PDE8B: variants seen among roughly 807,000 people sequenced by gnomAD.
PDE8B encodes the protein high affinity cAMP-specific and IBMX-insensitive 3',5'-cyclic phosphodiesterase 8B.
PDE8B carries 26 observed loss-of-function variants against 101.3 expected under a neutral mutation model. That is an observed-to-expected ratio of 0.26 (90% confidence interval 0.19 to 0.36). The LOEUF is 0.36. Ranked by LOEUF, PDE8B falls within the 10% of genes least tolerant of loss-of-function variation. The pLI, the probability that PDE8B is intolerant of heterozygous loss-of-function variation, is 1.00. For missense variants in PDE8B, 810 were observed against 1,163.1 expected, an observed-to-expected ratio of 0.70 and a Z score of 4.42; for synonymous variants, 424 against 429.3, an observed-to-expected ratio of 0.99 and a Z score of 0.15.
At chr5:77,104,481 G>A in the PDE8B span, 3 of 152,036 alleles carry the variant, frequency 2.0e-5, no homozygotes, top group South Asian at 2.1e-4. Context: ...GAGGCTTCTC[G>A]GGGTCTTCAT....
chr5:77,360,397 A>G (rs1782887908), intron 10 of PDE8B, among the ~76,000 whole-genome samples: 1 of 152,254 alleles, frequency 6.6e-6, no homozygotes. Flanking sequence ...GACTTCTGTT[A>G]AAGTTTTACT....
intron 1 of PDE8B, among the ~76,000 whole-genome samples, chr5:77,226,043 T>C (rs1382879): frequency 0.55 from 83,250 of 152,106 alleles, 25,433 homozygotes; most frequent in East Asian, 0.83. Flanking sequence ...AAATCAGTTC[T>C]TTTTTATGTG....
chr5:77,380,216 A>AT (rs1561617446), intron 10 of PDE8B, among the ~76,000 whole-genome samples: 1 of 152,250 alleles, frequency 6.6e-6, no homozygotes. Context: ...ATTCTTCTAT[A>AT]TAAAATCAAG....
intron 12 of PDE8B, among the ~76,000 whole-genome samples, chr5:77,406,669 A>G (rs925206257): frequency 2.0e-5 from 3 of 152,204 alleles, no homozygotes; most frequent in Non-Finnish European, 4.4e-5. Flanking sequence ...CATCCATGAA[A>G]TGGGACTCCC....
intron 10 of PDE8B, among the ~76,000 whole-genome samples, chr5:77,373,846 A>C (rs1458457507): frequency 2.0e-5 from 3 of 151,836 alleles, no homozygotes; most frequent in African/African-American, 7.3e-5. Context: ...ATAGCTGGTG[A>C]TACTATTTTT....
the PDE8B span, chr5:77,140,559 G>C: frequency 1.3e-5 from 2 of 152,236 alleles, no homozygotes; most frequent in Non-Finnish European, 2.9e-5. Context: ...TCTGTCTAGA[G>C]ATTGTTGTGC....
chr5:77,415,584 C>T (rs1178822521), intron 17 of PDE8B, among the ~76,000 whole-genome samples: 1 of 152,040 alleles, frequency 6.6e-6, no homozygotes, highest in Non-Finnish European at 1.5e-5. Context: ...ATCTCGAACT[C>T]CTGACCTCAG....
chr5:77,388,564 AG>A (rs2150891956), intron 10 of PDE8B, among the ~76,000 whole-genome samples: 1 of 152,304 alleles, frequency 6.6e-6, no homozygotes, highest in African/African-American at 2.4e-5. Context: ...GACACACTTG[AG>A]GAGGCAGTCT....
intron 10 of PDE8B, among the ~76,000 whole-genome samples, chr5:77,356,971 C>T (rs940651742): frequency 1.3e-5 from 2 of 152,162 alleles, no homozygotes; most frequent in African/African-American, 2.4e-5. Context: ...CACTGAGCCT[C>T]CAGGAAAAGA....
Position 77,413,183 on chromosome 5 carries a change from C to A in PDE8B, c.1785C>A (p.Thr595=), listed in dbSNP as rs777514976. The A allele has an allele frequency of 6.2e-7, 1 of 1,613,896 alleles. No homozygotes were observed. The highest frequency in any genetic ancestry group is 1.3e-5 in the African/African-American group (1 of 74,978). The change falls in exon 17 of 22, where the codon ACC becomes ACA. Residue 595 remains threonine (T), a synonymous_variant. Coordinates refer to ENST00000264917, the MANE Select transcript of PDE8B (RefSeq NM_003719.5). ...GTGAATTTTTAAACTGTTCTGAAAC[C>A]ACTCTTCGGGCCTGGTTCCAAGTGA... The part of the protein sequence containing the change: ...GVCEFLNCSE[T]TLRAWFQVIE...
At chr5:77,360,505 T>G (rs993809278) in intron 10 of PDE8B, among the ~76,000 whole-genome samples, 1 of 152,222 alleles carries the variant, frequency 6.6e-6, no homozygotes, top group Admixed American at 6.5e-5. Flanking sequence ...TCAGAAGGAA[T>G]TATTCACCTC....
intron 1 of PDE8B, among the ~76,000 whole-genome samples, chr5:77,226,948 C>T (rs950811491): frequency 1.3e-5 from 2 of 152,144 alleles, no homozygotes; most frequent in Non-Finnish European, 2.9e-5. Context: ...TAGTGGCTGC[C>T]TTTTCATCTT....
At chr5:77,097,732 T>TATAGATATATATACAC in the PDE8B span, among the ~76,000 whole-genome samples, 10 of 65,238 alleles carry the variant, frequency 1.5e-4, no homozygotes, top group African/African-American at 3.5e-4. Flanking sequence ...TATATATATA[T>TATAGATATATATACAC]ACATACATAT....
At chr5:77,190,012 G>A in the PDE8B span, among the ~76,000 whole-genome samples, 2 of 152,226 alleles carry the variant, frequency 1.3e-5, no homozygotes, top group Non-Finnish European at 2.9e-5. Context: ...GATCTAGGGT[G>A]ACATTAGAAT....
At chr5:77,262,550 G>A (rs1760839429) in intron 1 of PDE8B, among the ~76,000 whole-genome samples, 1 of 152,192 alleles carries the variant, frequency 6.6e-6, no homozygotes, top group African/African-American at 2.4e-5. Flanking sequence ...CTTTATAGTT[G>A]TACCTTATTA....
chr5:77,127,116 T>G, the PDE8B span, among the ~76,000 whole-genome samples: 1 of 152,194 alleles, frequency 6.6e-6, no homozygotes, highest in Non-Finnish European at 1.5e-5. Context: ...CAAGATCCAC[T>G]TTCACAAGCT....
At chr5:77,104,339 G>A in the PDE8B span, among the ~76,000 whole-genome samples, 1 of 152,194 alleles carries the variant, frequency 6.6e-6, no homozygotes, top group Non-Finnish European at 1.5e-5. Context: ...TGGTTTGAAT[G>A]TTTGCGTCTA....
intron 6 of PDE8B, among the ~76,000 whole-genome samples, chr5:77,342,509 T>C (rs557365021): frequency 1.4e-5 from 2 of 144,594 alleles, no homozygotes; most frequent in East Asian, 2.0e-4. Context: ...ATAACATTTT[T>C]CAGAGTTTTT....
At chr5:77,274,088 A>G (rs1012217910) in intron 1 of PDE8B, among the ~76,000 whole-genome samples, 1 of 152,118 alleles carries the variant, frequency 6.6e-6, no homozygotes, top group African/African-American at 2.4e-5. Flanking sequence ...TCCCAACGTG[A>G]TGGGATTACA....
Sources: gnomAD v4.1 joint callset for allele counts (sites outside exome capture counted in the v4.1 genomes callset) on GRCh38, gnomAD v4.1.1 for gene constraint, MANE v1.5 for transcripts, NCBI Gene and HGNC (gene_info 2026-07-23, HGNC 2026-07-21) for gene names.